IVL: variants seen among roughly 807,000 people sequenced by gnomAD.
The protein encoded by IVL is involucrin.
For missense variants in IVL, 722 were observed against 624.9 expected (o/e 1.16, Z -1.66); for synonymous variants, 257 against 271.0 (o/e 0.95, Z 0.51).
chr1:152,910,779 C>A lies in IVL; in HGVS notation c.982C>A (p.Gln328Lys). 1 of 1,548,472 alleles carries A rather than the reference C, an allele frequency of 6.5e-7. No individual in the cohort carries two copies. The highest frequency in any genetic ancestry group is 8.7e-7 in the Non-Finnish European group (1 of 1,146,268). The change falls in exon 2 of 2, where the codon CAG becomes AAG. Residue 328 changes from glutamine to lysine, a missense_variant. Coordinates refer to ENST00000368764, the MANE Select transcript of IVL (RefSeq NM_005547.4). The stretch of plus-strand genomic sequence containing the variant: ...GGAGGGGCAGCCTAAGCATCTGGAG[C>A]AGCAGGAGGGGCAACTGGAGCAGCT... The part of the protein sequence containing the change: ...QQEGQPKHLE[Q>K]QEGQLEQLEE...
At position 152,911,047 on chromosome 1, in the gene IVL, A is replaced by G. The variant is rs1649970407; in HGVS notation, c.1250A>G (p.Glu417Gly). Residue 417 changes from glutamate to glycine, a missense_variant, in exon 2 of 2, where the codon GAG becomes GGG. Coordinates refer to ENST00000368764, the MANE Select transcript of IVL (RefSeq NM_005547.4). ...CAGGAGGGGCAGCTGGAGCAGCAGG[A>G]GAGGCAGGTGGAGCACCTGGAGCAG... is the stretch of plus-strand genomic sequence containing the variant. The part of the protein sequence containing the change: ...VQQEGQLEQQ[E>G]RQVEHLEQQV... 1 of 1,550,054 alleles carries G rather than the reference A, an allele frequency of 6.5e-7. No homozygotes were observed. The highest frequency in any genetic ancestry group is 1.2e-5 in the South Asian group (1 of 83,928).
chr1:152,910,961 G>A lies in IVL; in HGVS notation c.1164G>A (p.Glu388=). The A allele has an allele frequency of 1.3e-6, 2 of 1,550,842 alleles. No individual in the cohort carries two copies. Among genetic ancestry groups the A allele is most frequent in the South Asian group, 1.2e-5 (1 of 83,980 alleles). The change falls in exon 2 of 2, where the codon GAG becomes GAA. Residue 388 remains glutamate, a synonymous_variant. Coordinates refer to ENST00000368764, the MANE Select transcript of IVL (RefSeq NM_005547.4). The stretch of plus-strand genomic sequence containing the variant: ...AGGGGCAGCCAAAGCACCTGGAGGA[G>A]GAGGAGGGGCAGCTGAAGCACCTGG... ...KQQGQPKHLE[E]EEGQLKHLVQ...
At position 152,910,198 on chromosome 1, in the gene IVL, T is replaced by C. The variant is rs756949313; in HGVS notation, c.401T>C (p.Leu134Pro). 1.1e-5 allele frequency: 18 copies of C among 1,614,032 alleles called. No homozygotes were observed. In the East Asian group the frequency reaches 2.7e-4, roughly 24 times the overall value. Reference protein sequence around the residue: ...EEEKKLLDQQLDQELVKRDEQ... With the variant: ...EEEKKLLDQQPDQELVKRDEQ... The stretch of plus-strand genomic sequence containing the variant: ...GAGAAGAAGCTCTTAGACCAGCAAC[T>C]GGATCAAGAGCTAGTCAAGAGAGAT... Residue 134 changes from leucine to proline, a missense_variant, in exon 2 of 2, where the codon CTG (leucine) becomes CCG (proline). Physicochemically the swap from Leu to Pro is moderately conservative, Grantham distance 98 (BLOSUM62 -3). Coordinates refer to ENST00000368764, the MANE Select transcript of IVL (RefSeq NM_005547.4).
At position 152,911,046 on chromosome 1, in the gene IVL, G is replaced by A. The variant is rs1649970339; in HGVS notation, c.1249G>A (p.Glu417Lys). The change falls in exon 2 of 2, where the codon GAG (glutamate) becomes AAG (lysine). Residue 417 changes from glutamate to lysine, a missense_variant. Transcript: ENST00000368764. ...VQQEGQLEQQ[E>K]RQVEHLEQQV... The stretch of plus-strand genomic sequence containing the variant: ...GCAGGAGGGGCAGCTGGAGCAGCAG[G>A]AGAGGCAGGTGGAGCACCTGGAGCA... 6.4e-7 allele frequency: 1 copy of A among 1,551,228 alleles called. No individual in the cohort carries two copies. The highest frequency in any genetic ancestry group is 8.7e-7 in the Non-Finnish European group (1 of 1,146,930).
rs997192075 is a variant in IVL at position 152,909,709 on chromosome 1, T to A, written c.-19-70T>A. The A allele has an allele frequency of 3.9e-6, 5 of 1,274,224 alleles. No homozygotes were observed. In the African/African-American group the frequency reaches 7.5e-5, roughly 19 times the overall value. The allele number at this position is 1,274,224 out of a possible 1,614,324, so 78.9% of individuals were successfully genotyped here. On this transcript the variant is annotated intron_variant, in intron 1 of 1. Transcript: ENST00000368764. The stretch of plus-strand genomic sequence containing the variant: ...GGGATGCTAAAAAACCAGATACTTC[T>A]GCAGATTCCCAAGGTTTCATCTATT...
chr1:152,910,644 C>T lies in IVL; in HGVS notation c.847C>T (p.Leu283=). 6.4e-7 allele frequency: 1 copy of T among 1,550,974 alleles called. No homozygotes were observed. The highest frequency in any genetic ancestry group is 1.2e-5 in the South Asian group (1 of 84,018). The part of the protein sequence containing the change: ...LEVPEEQMGQ[L]KYLEQQEGQL... ...GGTCCCAGAGGAGCAGATGGGGCAG[C>T]TGAAGTACCTGGAACAGCAGGAGGG... is the stretch of plus-strand genomic sequence containing the variant. Residue 283 remains leucine, a synonymous_variant, in exon 2 of 2, where the codon CTG becomes TTG. Coordinates refer to ENST00000368764, the MANE Select transcript of IVL (RefSeq NM_005547.4).
In IVL at chr1:152,910,620, G is replaced by T; in HGVS notation, c.823G>T (p.Val275Phe). The T allele has an allele frequency of 1.4e-6, 2 of 1,476,292 alleles. No homozygotes were observed. Among genetic ancestry groups the T allele is most frequent in the Admixed American group, 2.3e-5 (1 of 43,412 alleles). 91.4% of individuals were successfully genotyped at this position (1,476,292 alleles called of 1,614,324 possible). Residue 275 changes from valine to phenylalanine, a missense_variant, in exon 2 of 2, where the codon GTC (valine) becomes TTC (phenylalanine). Transcript: ENST00000368764. The part of the protein sequence containing the change: ...HLEHQEGQLE[V>F]PEEQMGQLKY... ...GGAGCACCAGGAGGGGCAGCTGGAG[G>T]TCCCAGAGGAGCAGATGGGGCAGCT...
Position 152,909,963 on chromosome 1 carries a change from C to G in IVL, c.166C>G (p.Pro56Ala), listed in dbSNP as rs758333898. The G allele has an allele frequency of 2.5e-6, 4 of 1,614,098 alleles. No homozygotes were observed. The highest frequency in any genetic ancestry group is 3.4e-6 in the Non-Finnish European group (4 of 1,180,010). The change falls in exon 2 of 2, where the codon CCA (proline) becomes GCA (alanine). Residue 56 changes from proline (P) to alanine (A), a missense_variant. By Grantham distance (27) the Pro-to-Ala change is conservative. Transcript: ENST00000368764. The stretch of plus-strand genomic sequence containing the variant: ...GCCTGTCGAGCTCCCAGTGGAGGTC[C>G]CATCAAAGCAAGAGGAAAAGCACAT... ...KVPVELPVEV[P>A]SKQEEKHMTA... is the part of the protein sequence containing the mutation.
chr1:152,908,598 C>A lies in IVL; in HGVS notation c.-20+9C>A, dbSNP rs535730327. 1.2e-4 allele frequency: 16 copies of A among 136,938 alleles called. No homozygotes were observed. The highest frequency in any genetic ancestry group is 4.3e-4 in the African/African-American group (16 of 36,968). The allele number at this position is 136,938 out of a possible 1,614,324, so 8.5% of individuals were successfully genotyped here. ...GCCTTACTGTGAGTCTGGTAAGTGTCGGATGGTAGAACCAGGGTTGGGACT... is the reference window on the plus strand; with the variant it reads ...GCCTTACTGTGAGTCTGGTAAGTGTAGGATGGTAGAACCAGGGTTGGGACT... On this transcript the variant is annotated intron_variant, in intron 1 of 1. Coordinates refer to ENST00000368764, the MANE Select transcript of IVL (RefSeq NM_005547.4).
Position 152,911,773 on chromosome 1 carries a change from C to A in IVL, c.*218C>A. 1.8e-6 allele frequency: 1 copy of A among 570,120 alleles called. No individual in the cohort carries two copies. The highest frequency in any genetic ancestry group is 3.0e-5 in the East Asian group (1 of 33,570). 35.3% of individuals were successfully genotyped at this position (570,120 alleles called of 1,614,324 possible). A position where few individuals can be genotyped will look rare whatever the true frequency, so the allele number is the denominator to read the frequency against. ...CAATCCCAACCTCAGGTGAGCAGAG[C>A]CTCTACTTGAGGGACTATTGTTACT... On this transcript the variant is annotated 3_prime_UTR_variant, in exon 2 of 2. Coordinates refer to ENST00000368764, the MANE Select transcript of IVL (RefSeq NM_005547.4).
chr1:152,911,783 A>T lies in IVL; in HGVS notation c.*228A>T, dbSNP rs573458461. 20 of 556,422 alleles carry T rather than the reference A, an allele frequency of 3.6e-5. No homozygotes were observed. The South Asian group carries it at 5.4e-4, about 15-fold the overall frequency. 34.5% of individuals were successfully genotyped at this position (556,422 alleles called of 1,614,324 possible). A position where few individuals can be genotyped will look rare whatever the true frequency, so the allele number is the denominator to read the frequency against. Reference sequence around the variant, plus strand: ...CTCAGGTGAGCAGAGCCTCTACTTGAGGGACTATTGTTACTATAGGAATCC... The same window carrying T: ...CTCAGGTGAGCAGAGCCTCTACTTGTGGGACTATTGTTACTATAGGAATCC... On this transcript the variant is annotated 3_prime_UTR_variant, in exon 2 of 2. Coordinates refer to ENST00000368764, the MANE Select transcript of IVL (RefSeq NM_005547.4).
rs746939066 is a variant in IVL at position 152,911,595 on chromosome 1, A to C, written c.*40A>C. 5.2e-6 allele frequency: 8 copies of C among 1,540,710 alleles called. No homozygotes were observed. The highest frequency in any genetic ancestry group is 6.1e-6 in the Non-Finnish European group (7 of 1,143,718). On this transcript the variant is annotated 3_prime_UTR_variant, in exon 2 of 2. Transcript: ENST00000368764. ...CAGAGGCCCTCAGATCGTCTCATACAAGGGAAGAGAGAGCCACTGGCTCCA... is the reference window on the plus strand; with the variant it reads ...CAGAGGCCCTCAGATCGTCTCATACCAGGGAAGAGAGAGCCACTGGCTCCA...
At chr1:152,908,701 A>T (rs570531313) in intron 1 of IVL, 112 bp downstream of exon 1, 1 of 152,580 alleles carries the variant, frequency 6.6e-6, no homozygotes, top group East Asian at 1.9e-4. Flanking sequence ...GGCTGGATTC[A>T]GCTGGACTTT....
At position 152,909,698 on chromosome 1, in the gene IVL, C is replaced by A. The variant is rs923467808; in HGVS notation, c.-19-81C>A. 28 of 1,156,638 alleles carry A rather than the reference C, an allele frequency of 2.4e-5. No individual in the cohort carries two copies. The East Asian group carries it at 4.4e-4, about 18-fold the overall frequency. 71.6% of individuals were successfully genotyped at this position (1,156,638 alleles called of 1,614,324 possible). A position where few individuals can be genotyped will look rare whatever the true frequency, so the allele number is the denominator to read the frequency against. Reference sequence around the variant, plus strand: ...CAAGGGAAGAGGGGATGCTAAAAAACCAGATACTTCTGCAGATTCCCAAGG... The same window carrying A: ...CAAGGGAAGAGGGGATGCTAAAAAAACAGATACTTCTGCAGATTCCCAAGG... On this transcript the variant is annotated intron_variant, in intron 1 of 1. Coordinates refer to ENST00000368764, the MANE Select transcript of IVL (RefSeq NM_005547.4).
At position 152,911,150 on chromosome 1, in the gene IVL, G is replaced by C; in HGVS notation, c.1353G>C (p.Glu451Asp). The change falls in exon 2 of 2, where the codon GAG (glutamate) becomes GAC (aspartate). Residue 451 changes from glutamate (E) to aspartate (D), a missense_variant. Transcript: ENST00000368764. ...TGGAGCAGCAGCAGGGGCAGTTGGAGGTCCCAGAGCAGCAGGTGGGGCAGC... is the reference window on the plus strand; with the variant it reads ...TGGAGCAGCAGCAGGGGCAGTTGGACGTCCCAGAGCAGCAGGTGGGGCAGC... ...KHLEQQQGQL[E>D]VPEQQVGQPK... The C allele has an allele frequency of 6.4e-7, 1 of 1,559,516 alleles. No individual in the cohort carries two copies. Among genetic ancestry groups the C allele is most frequent in the South Asian group, 1.2e-5 (1 of 84,578 alleles).
Position 152,910,423 on chromosome 1 carries a change from AG to A in IVL, c.628del (p.Glu210ArgfsTer54). 1.7e-6 allele frequency: 1 copy of A among 588,316 alleles called. No homozygotes were observed. The highest frequency in any genetic ancestry group is 3.1e-6 in the Non-Finnish European group (1 of 325,866). 36.4% of individuals were successfully genotyped at this position (588,316 alleles called of 1,614,324 possible). A position where few individuals can be genotyped will look rare whatever the true frequency, so the allele number is the denominator to read the frequency against. On this transcript the variant is annotated frameshift_variant, in exon 2 of 2. Transcript: ENST00000368764. LOFTEE classifies it low-confidence loss of function (END_TRUNC). ...GGGCAGCTGGAGCTCCCAGAGCAGC[AG>A]GAGGGGCAGCTGGAGCTCCCAGAGC... The part of the protein sequence containing the change: ...QEGQLELPEQ[Q>X]EGQLELPEQQ...
Position 152,909,997 on chromosome 1 carries a change from T to A in IVL, c.200T>A (p.Val67Glu). The A allele has an allele frequency of 6.2e-7, 1 of 1,613,938 alleles. No homozygotes were observed. Among genetic ancestry groups the A allele is most frequent in the Non-Finnish European group, 8.5e-7 (1 of 1,179,994 alleles). The change falls in exon 2 of 2, where the codon GTA (valine) becomes GAA (glutamate). Residue 67 changes from valine (V) to glutamate (E), a missense_variant. Coordinates refer to ENST00000368764, the MANE Select transcript of IVL (RefSeq NM_005547.4). ...SKQEEKHMTAVKGLPEQECEQ... is the reference protein window; with the variant it reads ...SKQEEKHMTAEKGLPEQECEQ... ...CAAGAGGAAAAGCACATGACTGCTGTAAAGGGACTGCCTGAGCAAGAATGT... is the reference window on the plus strand; with the variant it reads ...CAAGAGGAAAAGCACATGACTGCTGAAAAGGGACTGCCTGAGCAAGAATGT...
Position 152,911,016 on chromosome 1 carries a change from G to T in IVL, c.1219G>T (p.Val407Leu), listed in dbSNP as rs1475105340. The change falls in exon 2 of 2, where the codon GTG (valine) becomes TTG (leucine). Residue 407 changes from valine (V) to leucine (L), a missense_variant. By Grantham distance (32) the Val-to-Leu change is conservative (BLOSUM62 1). Transcript: ENST00000368764. ...GCAGGAGGGGCAGCTGAAGCATCTG[G>T]TGCAGCAGGAGGGGCAGCTGGAGCA... ...VQQEGQLKHLVQQEGQLEQQE... is the reference protein window; with the variant it reads ...VQQEGQLKHLLQQEGQLEQQE... 1.3e-6 allele frequency: 2 copies of T among 1,550,884 alleles called. No individual in the cohort carries two copies. The highest frequency in any genetic ancestry group is 1.4e-5 in the African/African-American group (1 of 72,922).
At chr1:152,909,733 T>C in intron 1 of IVL, 46 bp from the exon 2 acceptor site, 1 of 1,469,624 alleles carries the variant, frequency 6.8e-7, no homozygotes, top group Non-Finnish European at 9.2e-7. Context: ...GTTTCATCTA[T>C]TTCCTTTGCC....
Sources: allele counts gnomAD v4.1 joint callset, GRCh38; gene constraint gnomAD v4.1.1; transcripts MANE v1.5; gene names NCBI Gene and HGNC (gene_info 2026-07-23, HGNC 2026-07-21).